The following TDP1 variants were observed in gnomAD, a reference collection of about 807,000 sequenced individuals.
The protein encoded by TDP1 is tyr-DNA phosphodiesterase 1.
In TDP1, 64 loss-of-function variants were observed where a neutral mutation model predicts 81.5. That is an observed-to-expected ratio of 0.79 (90% CI 0.64 to 0.97). The LOEUF (loss-of-function observed/expected upper bound fraction) is 0.97, where lower values mean the gene tolerates loss of function less well. Ranked by LOEUF, TDP1 falls within the 50% of genes least tolerant of loss-of-function variation. The pLI is 0.00. For missense variants in TDP1, 723 were observed against 743.8 expected, an observed-to-expected ratio of 0.97 and a Z score of 0.33; for synonymous variants, 256 against 264.3, an observed-to-expected ratio of 0.97 and a Z score of 0.30.
chr14:89,958,238 G>C (rs914633438), intron 2 of TDP1: 1 of 152,506 alleles, frequency 6.6e-6, no homozygotes, highest in Non-Finnish European at 1.5e-5. Context: ...ATGGGGGTGT[G>C]TGGCAGCCAG....
rs901995659 is a variant in TDP1, at chr14:90,022,674, T to C, written c.1644+3256T>C. ...AAAGGGTTGTTGGGTTATTTTGATA[T>C]AGGAGACTTTATCTTAAAGTGCTTA... On this transcript the variant is annotated intron_variant, in intron 15 of 16. Transcript: ENST00000335725. 3.6e-6 allele frequency: 3 copies of C among 835,036 alleles called. No homozygotes were observed. In the African/African-American group the frequency reaches 5.5e-5, roughly 15 times the overall value. The allele number at this position is 835,036 out of a possible 1,614,324, so 51.7% of individuals were successfully genotyped here.
chr14:89,964,776 A>T, intron 3 of TDP1: 1 of 373,986 alleles, frequency 2.7e-6, no homozygotes, highest in Non-Finnish European at 5.2e-6. Flanking sequence ...ATAATAAAAT[A>T]ACCGGCAATT....
rs1206775785 is a variant in TDP1, at chr14:89,963,689, G to C, written c.559+16G>C. 2.5e-6 allele frequency: 4 copies of C among 1,613,696 alleles called. No homozygotes were observed. Among genetic ancestry groups the C allele is most frequent in the Non-Finnish European group, 8.5e-7 (1 of 1,179,820 alleles). The stretch of plus-strand genomic sequence containing the variant: ...CACATCAAGGGTAAGAGGATGCTGG[G>C]TGTCAAGGAGCTGTTGAATTGCCCT... On this transcript the variant is annotated intron_variant, in intron 3 of 16. Transcript: ENST00000335725.
In TDP1 at chr14:90,044,363, CTT is replaced by C. The variant is rs1302807849; in HGVS notation, c.*1222_*1223del. The C allele has an allele frequency of 6.6e-6, 1 of 152,246 alleles. No individual in the cohort carries two copies. The highest frequency in any genetic ancestry group is 2.4e-5 in the African/African-American group (1 of 41,452). The allele number at this position is 152,246 out of a possible 1,614,324, so 9.4% of individuals were successfully genotyped here. On this transcript the variant is annotated 3_prime_UTR_variant, in exon 17 of 17. Transcript: ENST00000335725. ...TGAGCGGGGCTCAGAGCTTGAGTGT[CTT>C]TGTGCTTTGTGTACATTGTGTTCTC...
chr14:89,976,526 T>TC (rs1894341822), intron 7 of TDP1, among the ~76,000 whole-genome samples: 1 of 133,414 alleles, frequency 7.5e-6, no homozygotes, highest in African/African-American at 3.1e-5. Flanking sequence ...TCAACAGAGC[T>TC]CTTTTTTTTT....
chr14:89,993,140 G>C, intron 13 of TDP1: 1 of 984,436 alleles, frequency 1.0e-6, no homozygotes, highest in Non-Finnish European at 1.2e-6. Context: ...TGGCAAAAAT[G>C]GAAAGGCTAT....
In TDP1 at chr14:89,984,493, AAAGGTT is replaced by A; in HGVS notation, c.885-21_885-16del. The A allele has an allele frequency of 6.2e-7, 1 of 1,613,848 alleles. No individual in the cohort carries two copies. The highest frequency in any genetic ancestry group is 8.5e-7 in the Non-Finnish European group (1 of 1,179,964). ...ATGATCAGTTGTGTGCCTGACTGTT[AAAGGTT>A]ATTTTTTTAATTCCAGAATATGGTT... On this transcript the variant is annotated splice_polypyrimidine_tract_variant and intron_variant, in intron 8 of 16. Transcript: ENST00000335725.
intron 16 of TDP1, 52 bp from the exon 17 acceptor site, chr14:90,043,018 A>C: frequency 1.2e-6 from 2 of 1,613,736 alleles, no homozygotes; most frequent in Non-Finnish European, 1.7e-6. Flanking sequence ...AGGTGAGTGC[A>C]TTTTCTACCA....
At chr14:89,981,455 T>A (rs1470990468) in intron 8 of TDP1, 1 of 454,978 alleles carries the variant, frequency 2.2e-6, no homozygotes, top group Non-Finnish European at 4.4e-6. Context: ...AATTTTCTTT[T>A]GTTTAAGCCA....
intron 12 of TDP1, among the ~76,000 whole-genome samples, chr14:89,991,227 G>A (rs574472428): frequency 6.6e-6 from 1 of 152,138 alleles, no homozygotes; most frequent in Non-Finnish European, 1.5e-5. Flanking sequence ...TAACACTTCA[G>A]ATCTGTGCAG....
intron 14 of TDP1, among the ~76,000 whole-genome samples, chr14:89,995,912 C>G (rs1338966178): frequency 6.6e-6 from 1 of 152,154 alleles, no homozygotes; most frequent in African/African-American, 2.4e-5. Flanking sequence ...TAGATAGTGT[C>G]TTTTAGATGC....
intron 15 of TDP1, among the ~76,000 whole-genome samples, chr14:90,031,895 A>G (rs553933672): frequency 6.6e-6 from 1 of 152,286 alleles, no homozygotes; most frequent in South Asian, 2.1e-4. Flanking sequence ...CCAAGTCTAA[A>G]ATAGGCCTGC....
At chr14:89,984,416 C>T (rs1843521631) in intron 8 of TDP1, 100 bp from the exon 9 acceptor site, 14 of 1,602,708 alleles carry the variant, frequency 8.7e-6, no homozygotes, top group Admixed American at 1.7e-5. Context: ...GTGGAGATAC[C>T]GAGAATTCAC....
chr14:89,960,814 G>A (rs1892241148), intron 2 of TDP1, among the ~76,000 whole-genome samples: 1 of 152,218 alleles, frequency 6.6e-6, no homozygotes, highest in Admixed American at 6.5e-5. Context: ...AAAAGGTGAA[G>A]AGAGAAATTG....
intron 2 of TDP1, chr14:89,962,901 G>A (rs959753259): frequency 2.0e-6 from 2 of 984,926 alleles, no homozygotes; most frequent in East Asian, 1.1e-4. Flanking sequence ...AAAAAGAAAG[G>A]TGACCAGGAC....
intron 1 of TDP1, 155 bp from the exon 2 acceptor site, chr14:89,956,423 G>A (rs1187884553): frequency 6.6e-6 from 1 of 152,356 alleles, no homozygotes; most frequent in East Asian, 1.9e-4. Flanking sequence ...TACACTTGGT[G>A]AGGCGCTTCG....
intron 15 of TDP1, among the ~76,000 whole-genome samples, chr14:90,020,887 C>T (rs564176022): frequency 2.0e-5 from 3 of 150,124 alleles, no homozygotes; most frequent in African/African-American, 7.4e-5. Flanking sequence ...CCTCCACCTC[C>T]AGGGTTCAAG....
intron 5 of TDP1, among the ~76,000 whole-genome samples, chr14:89,970,473 C>T (rs1011393542): frequency 4.6e-5 from 7 of 151,904 alleles, no homozygotes; most frequent in Admixed American, 1.3e-4. Context: ...ATGAATCCAC[C>T]GTGTGGTCCA....
intron 15 of TDP1, among the ~76,000 whole-genome samples, chr14:90,027,537 C>A (rs1451803817): frequency 6.6e-6 from 1 of 152,172 alleles, no homozygotes; most frequent in Non-Finnish European, 1.5e-5. Flanking sequence ...CCCCTTTTTA[C>A]TAGCAGTGTG....
Sources: gnomAD v4.1 joint callset for allele counts (sites outside exome capture counted in the v4.1 genomes callset) on GRCh38, gnomAD v4.1.1 for gene constraint, MANE v1.5 for transcripts, NCBI Gene and HGNC (gene_info 2026-07-23, HGNC 2026-07-21) for gene names.